C1QB: variants seen among roughly 807,000 people sequenced by gnomAD.
C1QB encodes complement C1q B chain.
Under a neutral mutation model 4.6 loss-of-function variants are expected in C1QB, and 2 were observed. That is an observed-to-expected ratio of 0.43 (90% CI 0.18 to 1.36). The LOEUF (loss-of-function observed/expected upper bound fraction) is 1.36, where lower values mean the gene tolerates loss of function less well. Ranked by LOEUF, C1QB falls within the 40% of genes most tolerant of loss-of-function variation. The pLI is 0.28. For missense variants in C1QB, 292 were observed against 338.0 expected (o/e 0.86, Z 1.07); for synonymous variants, 132 against 137.1 (o/e 0.96, Z 0.26).
Position 22,655,369 on chromosome 1 carries a change from G to A in C1QB, c.-24+2066G>A, listed in dbSNP as rs572099538. On this transcript the variant is annotated intron_variant, in intron 1 of 2. Coordinates refer to ENST00000509305, the MANE Select transcript of C1QB (RefSeq NM_001378156.1). ...CAGCTTCCTTTCCTTGGTGCACAGT[G>A]TCTGGCATAACTCAGGGCTTTCAGC... Among the ~76,000 whole-genome samples, 73 of 152,190 alleles carry A rather than the reference G, an allele frequency of 4.8e-4. 1 individual carries two copies. Among genetic ancestry groups the A allele is most frequent in the Non-Finnish European group, 4.4e-4 (30 of 68,038 alleles).
chr1:22,656,178 G>A (rs1642529483), intron 1 of C1QB, among the ~76,000 whole-genome samples: 1 of 152,200 alleles, frequency 6.6e-6, no homozygotes, highest in Non-Finnish European at 1.5e-5. Context: ...TGGCAGAGGT[G>A]TCATTGAGGA....
chr1:22,657,383 G>C (rs1642545343), intron 1 of C1QB, among the ~76,000 whole-genome samples: 1 of 152,174 alleles, frequency 6.6e-6, no homozygotes, highest in African/African-American at 2.4e-5. Context: ...CCATACAATG[G>C]AGTATTATTC....
Position 22,659,931 on chromosome 1 carries a change from G to A in C1QB, c.181+288G>A, listed in dbSNP as rs530261367. Among the ~76,000 whole-genome samples the A allele has an allele frequency of 7.2e-5, 11 of 152,276 alleles. No homozygotes were observed. In the South Asian group the frequency reaches 8.3e-4, roughly 11 times the overall value. ...TAAATTCAGGTGGAGAGGGAGTGCC[G>A]CTGTGGCCACAGAGTCCTGTGTTTA... On this transcript the variant is annotated intron_variant, in intron 2 of 2. Coordinates refer to ENST00000509305, the MANE Select transcript of C1QB (RefSeq NM_001378156.1).
intron 1 of C1QB, among the ~76,000 whole-genome samples, chr1:22,657,445 A>C (rs1642545934): frequency 6.6e-6 from 1 of 152,268 alleles, no homozygotes; most frequent in Non-Finnish European, 1.5e-5. Context: ...AGAAACATGG[A>C]TGAACCTTGA....
At chr1:22,660,740 G>A (rs1642606923) in intron 2 of C1QB, 72 bp from the exon 3 acceptor site, 1 of 1,498,628 alleles carries the variant, frequency 6.7e-7, no homozygotes, top group South Asian at 1.1e-5. Context: ...GCAGGGCCCT[G>A]CCCAAGGTTC....
intron 1 of C1QB, among the ~76,000 whole-genome samples, chr1:22,656,662 C>T (rs1181083850): frequency 1.1e-4 from 16 of 152,120 alleles, no homozygotes. Context: ...CCCCACACAC[C>T]AAGCAAGCAA....
In C1QB at chr1:22,661,407, C is replaced by T; in HGVS notation, c.*21C>T. On this transcript the variant is annotated 3_prime_UTR_variant, in exon 3 of 3. Coordinates refer to ENST00000509305, the MANE Select transcript of C1QB (RefSeq NM_001378156.1). The stretch of plus-strand genomic sequence containing the variant: ...CCTGACCTGTGGGCTGCTTCACATC[C>T]ACCCCGGCTCCCCCTGCCAGCAACG... 1 of 1,613,486 alleles carries T rather than the reference C, an allele frequency of 6.2e-7. No homozygotes were observed. The highest frequency in any genetic ancestry group is 8.5e-7 in the Non-Finnish European group (1 of 1,179,824).
intron 1 of C1QB, among the ~76,000 whole-genome samples, chr1:22,654,778 G>A (rs1642507865): frequency 1.3e-5 from 2 of 152,340 alleles, no homozygotes; most frequent in South Asian, 4.1e-4. Flanking sequence ...CCGCCACCAG[G>A]TGAATGTGTG....
intron 1 of C1QB, among the ~76,000 whole-genome samples, chr1:22,657,621 A>T (rs1384648299): frequency 6.6e-6 from 1 of 152,204 alleles, no homozygotes; most frequent in South Asian, 2.1e-4. Flanking sequence ...TAACGGGCAT[A>T]GAGTTTTATT....
chr1:22,653,332 G>A (rs949578178), intron 1 of C1QB, 29 bp downstream of exon 1: 2 of 152,648 alleles, frequency 1.3e-5, no homozygotes, highest in African/African-American at 2.4e-5. Flanking sequence ...GCCTGGGGGA[G>A]GCTGGCAGGG....
chr1:22,656,498 A>AC (rs1642532903), intron 1 of C1QB, among the ~76,000 whole-genome samples: 2 of 152,048 alleles, frequency 1.3e-5, no homozygotes, highest in Admixed American at 6.6e-5. Context: ...ACAGAGTGAG[A>AC]CCCCATCTCA....
In C1QB at chr1:22,661,412, C is replaced by A; in HGVS notation, c.*26C>A. ...CCTGTGGGCTGCTTCACATCCACCC[C>A]GGCTCCCCCTGCCAGCAACGCTCAC... On this transcript the variant is annotated 3_prime_UTR_variant, in exon 3 of 3. Transcript: ENST00000509305. The A allele has an allele frequency of 1.2e-6, 2 of 1,613,010 alleles. No homozygotes were observed. The highest frequency in any genetic ancestry group is 1.3e-5 in the African/African-American group (1 of 75,002).
chr1:22,659,405 C>A, intron 1 of C1QB, 35 bp from the exon 2 acceptor site: 1 of 1,584,926 alleles, frequency 6.3e-7, no homozygotes, highest in Non-Finnish European at 8.7e-7. Flanking sequence ...ATAGGATCAC[C>A]ACGGTGGTAA....
chr1:22,659,043 A>ATGGG (rs1491111271), intron 1 of C1QB, among the ~76,000 whole-genome samples: 1 of 60,448 alleles, frequency 1.7e-5, no homozygotes, highest in Non-Finnish European at 3.3e-5. Context: ...AGACAGATGG[A>ATGGG]TGGATGGATG....
chr1:22,654,460 G>A lies in C1QB; in HGVS notation c.-24+1157G>A, dbSNP rs547667883. 2.6e-5 allele frequency among the ~76,000 whole-genome samples: 4 copies of A among 152,114 alleles called. No individual in the cohort carries two copies. The East Asian group carries it at 7.7e-4, about 29-fold the overall frequency. On this transcript the variant is annotated intron_variant, in intron 1 of 2. Coordinates refer to ENST00000509305, the MANE Select transcript of C1QB (RefSeq NM_001378156.1). ...TCCCTCTAAACACAGTCTTTCAAAG[G>A]GATTGTCTTTTTTTACTTCTCCAAC...
Position 22,661,482 on chromosome 1 carries a change from G to A in C1QB, c.*96G>A. ...CTTGCCCAACCAATGCACACAGTAG[G>A]GCTTGGTGAATGCTGCTGAGTGAAT... On this transcript the variant is annotated 3_prime_UTR_variant, in exon 3 of 3. Transcript: ENST00000509305. The A allele has an allele frequency of 2.1e-6, 3 of 1,420,108 alleles. No individual in the cohort carries two copies. Among genetic ancestry groups the A allele is most frequent in the Non-Finnish European group, 3.0e-6 (3 of 1,011,456 alleles). The allele number at this position is 1,420,108 out of a possible 1,614,324, so 88.0% of individuals were successfully genotyped here.
chr1:22,654,466 T>C (rs1642498081), intron 1 of C1QB, among the ~76,000 whole-genome samples: 1 of 152,152 alleles, frequency 6.6e-6, no homozygotes, highest in Non-Finnish European at 1.5e-5. Context: ...AAAGGGATTG[T>C]CTTTTTTTAC....
chr1:22,654,736 G>A (rs1392243362), intron 1 of C1QB, among the ~76,000 whole-genome samples: 1 of 152,166 alleles, frequency 6.6e-6, no homozygotes, highest in African/African-American at 2.4e-5. Context: ...TGTGAACGCT[G>A]AGTGTTGCTT....
chr1:22,655,227 G>A (rs748322480), intron 1 of C1QB, among the ~76,000 whole-genome samples: 3 of 152,352 alleles, frequency 2.0e-5, no homozygotes, highest in South Asian at 4.1e-4. Flanking sequence ...AAGAGTGAGA[G>A]CTGATGCTTA....
Sources: gnomAD v4.1 joint callset for allele counts (sites outside exome capture counted in the v4.1 genomes callset) on GRCh38, gnomAD v4.1.1 for gene constraint, MANE v1.5 for transcripts, NCBI Gene and HGNC (gene_info 2026-07-23, HGNC 2026-07-21) for gene names.